ABCC4: variants seen among roughly 807,000 people sequenced by gnomAD.
ABCC4 encodes ATP-binding cassette sub-family C member 4.
ABCC4 carries 102 observed loss-of-function variants against 168.5 expected under a neutral mutation model. The ratio of observed to expected loss-of-function variants is 0.61; its 90% CI spans 0.52 to 0.71. ABCC4 has a LOEUF of 0.71. Among genes scored for constraint, ABCC4 ranks in the 30% least tolerant of loss-of-function variants. The pLI, the probability that ABCC4 is intolerant of heterozygous loss-of-function variation, is 0.00. For missense variants in ABCC4, 1,402 were observed against 1,605.8 expected (o/e 0.87, Z 2.17); for synonymous variants, 617 against 590.7 (o/e 1.04, Z -0.65).
intron 20 of ABCC4, among the ~76,000 whole-genome samples, chr13:95,104,479 AT>A (rs1461440059): frequency 1.3e-5 from 2 of 152,172 alleles, no homozygotes; most frequent in African/African-American, 4.8e-5. Flanking sequence ...TCATCTATGA[AT>A]TTTAAGACAC....
Position 95,177,707 on chromosome 13 carries a change from A to G in ABCC4, c.1727T>C (p.Leu576Pro), listed in dbSNP as rs2139595552. 1 of 1,606,862 alleles carries G rather than the reference A, an allele frequency of 6.2e-7. No individual in the cohort carries two copies. Among genetic ancestry groups the G allele is most frequent in the Non-Finnish European group, 8.5e-7 (1 of 1,174,868 alleles). The change falls in exon 13 of 31, where the codon CTG becomes CCG. Residue 576 changes from leucine (L) to proline (P), a missense_variant and splice_region_variant. By Grantham distance (98) the Leu-to-Pro change is moderately conservative. Around this residue, in one of 3 missense-constraint regions of ABCC4, gnomAD observed 1,007 missense variants for 1,127.3 expected, o/e 0.89. Transcript: ENST00000645237. ...TGACTTAAGACACAAACACACTCAC[A>G]GTTCGAACAAGTGTCTGCTAACTTC... Reference protein sequence around the residue: ...DAEVSRHLFELCICQILHEKI... With the variant: ...DAEVSRHLFEPCICQILHEKI...
chr13:95,154,534 C>G (rs903077460), intron 19 of ABCC4, among the ~76,000 whole-genome samples: 3 of 152,162 alleles, frequency 2.0e-5, no homozygotes, highest in African/African-American at 7.2e-5. Flanking sequence ...GGCATATTAC[C>G]AATTTTCCAG....
chr13:95,218,985 G>A (rs879663499), intron 4 of ABCC4, among the ~76,000 whole-genome samples: 5,510 of 23,178 alleles, frequency 0.24, 726 homozygotes, highest in African/African-American at 0.45. Context: ...AAGAAAGAAA[G>A]AGTGAGAAAG....
rs566542045 is a variant in ABCC4, at chr13:95,028,417, G to A, written c.3870+6188C>T. On this transcript the variant is annotated intron_variant, in intron 30 of 30. Transcript: ENST00000645237. ...AGAAAGGATATGGATGACATGCAATGAAAATGAAACTGATGCGTAAAACAG... is the reference window on the plus strand; with the variant it reads ...AGAAAGGATATGGATGACATGCAATAAAAATGAAACTGATGCGTAAAACAG... Among the ~76,000 whole-genome samples, 79 of 152,186 alleles carry A rather than the reference G, an allele frequency of 5.2e-4. No homozygotes were observed. In the South Asian group the frequency reaches 0.014, roughly 28 times the overall value.
chr13:95,158,649 A>G (rs1056920691), intron 19 of ABCC4, among the ~76,000 whole-genome samples: 4 of 152,214 alleles, frequency 2.6e-5, no homozygotes, highest in Non-Finnish European at 4.4e-5. Context: ...CCCCACTCAA[A>G]GAACACTCTG....
At chr13:95,073,469 T>C in intron 23 of ABCC4, 165 bp from the exon 24 acceptor site, 1 of 462,438 alleles carries the variant, frequency 2.2e-6, no homozygotes, top group South Asian at 5.7e-5. Context: ...CAAGATACAA[T>C]GGGGAAAACA....
intron 21 of ABCC4, among the ~76,000 whole-genome samples, chr13:95,077,267 T>C (rs2033937925): frequency 6.6e-6 from 1 of 152,250 alleles, no homozygotes; most frequent in Non-Finnish European, 1.5e-5. Flanking sequence ...CTGACTTTGC[T>C]ACCTGTGTAG....
chr13:95,189,936 TG>T (rs2038201981), intron 9 of ABCC4, among the ~76,000 whole-genome samples: 2 of 152,112 alleles, frequency 1.3e-5, no homozygotes, highest in East Asian at 3.9e-4. Context: ...TCAGAAATAA[TG>T]TTCCTAAACA....
At chr13:95,058,748 A>G (rs939768645) in intron 26 of ABCC4, among the ~76,000 whole-genome samples, 4 of 152,110 alleles carry the variant, frequency 2.6e-5, no homozygotes, top group East Asian at 1.9e-4. Context: ...TAAGTTATTA[A>G]TCTCCCTGAG....
chr13:95,120,184 T>C (rs2035515774), intron 19 of ABCC4, among the ~76,000 whole-genome samples: 1 of 151,980 alleles, frequency 6.6e-6, no homozygotes, highest in South Asian at 2.1e-4. Context: ...TAGATGTGTT[T>C]AGTGAACTCT....
At position 95,301,333 on chromosome 13, in the gene ABCC4, C is replaced by A. The variant is rs1341642222; in HGVS notation, c.-19G>T. 7.0e-6 allele frequency: 11 copies of A among 1,573,858 alleles called. No individual in the cohort carries two copies. Among genetic ancestry groups the A allele is most frequent in the Non-Finnish European group, 9.5e-6 (11 of 1,161,626 alleles). ...GCAGCATCTTGCCGGGCGGGGCGGG[C>A]GCGGGCCGGGGTCGCGCTGATCAGG... On this transcript the variant is annotated 5_prime_UTR_variant, in exon 1 of 31. Coordinates refer to ENST00000645237, the MANE Select transcript of ABCC4 (RefSeq NM_005845.5).
intron 27 of ABCC4, among the ~76,000 whole-genome samples, chr13:95,047,369 A>C (rs1435460160): frequency 1.3e-5 from 2 of 151,694 alleles, no homozygotes; most frequent in Non-Finnish European, 2.9e-5. Context: ...ATCAGTCAGT[A>C]TGTGTAGCAT....
At chr13:95,192,944 G>C (rs529369938) in intron 9 of ABCC4, among the ~76,000 whole-genome samples, 1 of 152,220 alleles carries the variant, frequency 6.6e-6, no homozygotes, top group South Asian at 2.1e-4. Flanking sequence ...AATAAATAAA[G>C]TGTATGAGGG....
intron 20 of ABCC4, among the ~76,000 whole-genome samples, chr13:95,105,054 A>G (rs1041372770): frequency 6.6e-5 from 10 of 151,972 alleles, no homozygotes; most frequent in Admixed American, 5.2e-4. Context: ...ACCATAATGT[A>G]GAATCAGTGG....
At chr13:95,300,689 G>C (rs1037890813) in intron 1 of ABCC4, among the ~76,000 whole-genome samples, 1 of 152,142 alleles carries the variant, frequency 6.6e-6, no homozygotes, top group African/African-American at 2.4e-5. Flanking sequence ...ATATCGGAAG[G>C]GGTGGGGACA....
chr13:95,288,169 T>C (rs899174167), intron 1 of ABCC4, among the ~76,000 whole-genome samples: 7 of 152,194 alleles, frequency 4.6e-5, no homozygotes, highest in Non-Finnish European at 1.0e-4. Context: ...AGAGTGGTCA[T>C]GTGTCTTGCC....
chr13:95,181,217 C>T (rs1244906782), intron 11 of ABCC4, among the ~76,000 whole-genome samples: 5 of 152,204 alleles, frequency 3.3e-5, no homozygotes, highest in Non-Finnish European at 7.3e-5. Context: ...AACCAGAATC[C>T]TACCATGTGC....
At chr13:95,119,433 T>TGAGAGAGAGA (rs371638428) in intron 19 of ABCC4, among the ~76,000 whole-genome samples, 8 of 150,730 alleles carry the variant, frequency 5.3e-5, no homozygotes, top group Admixed American at 3.3e-4. Flanking sequence ...AATTTTCCTC[T>TGAGAGAGAGA]GAGAGAGAGA....
At chr13:95,208,143 T>C (rs2038835515) in intron 6 of ABCC4, among the ~76,000 whole-genome samples, 1 of 152,162 alleles carries the variant, frequency 6.6e-6, no homozygotes, top group Non-Finnish European at 1.5e-5. Context: ...ATTTGTAATA[T>C]CTGCTGAGGA....
Sources: gnomAD v4.1 joint callset for allele counts (sites outside exome capture counted in the v4.1 genomes callset) on GRCh38, gnomAD v4.1.1 for gene constraint, gnomAD v4.1.1 regional missense constraint, MANE v1.5 for transcripts, NCBI Gene and HGNC (gene_info 2026-07-23, HGNC 2026-07-21) for gene names.